The following ESF1 variants were observed in gnomAD, a reference collection of about 807,000 sequenced individuals.
ESF1 encodes the protein ESF1 nucleolar pre-rRNA processing protein, also known as ESF1 homolog.
A neutral mutation model predicts 92.0 loss-of-function variants in ESF1; 58 were observed. The observed-to-expected ratio is 0.63, with a 90% CI of 0.51 to 0.78. The LOEUF is 0.78. Ranked by LOEUF, ESF1 falls within the 30% of genes least tolerant of loss-of-function variation. The probability of loss-of-function intolerance (pLI) is 0.00; values close to 1 mark genes in which losing one functional copy is unlikely to be tolerated. For missense variants in ESF1, 922 were observed against 989.1 expected (o/e 0.93, Z 0.91); for synonymous variants, 321 against 313.7 (o/e 1.02, Z -0.24).
At position 13,769,892 on chromosome 20, in the gene ESF1, A is replaced by G; in HGVS notation, c.1518+15T>C. On this transcript the variant is annotated intron_variant, in intron 7 of 13. Coordinates refer to ENST00000617257, the MANE Select transcript of ESF1 (RefSeq NM_001276380.2). The stretch of plus-strand genomic sequence containing the variant: ...AATAGAGTCCAGCTACATATTTTTT[A>G]AAGTAAAGAAATACCGTTGATGTTC... 6.6e-7 allele frequency: 1 copy of G among 1,519,016 alleles called. No homozygotes were observed. Among genetic ancestry groups the G allele is most frequent in the Non-Finnish European group, 9.1e-7 (1 of 1,096,142 alleles). 94.1% of individuals were successfully genotyped at this position (1,519,016 alleles called of 1,614,324 possible). A position where few individuals can be genotyped will look rare whatever the true frequency, so the allele number is the denominator to read the frequency against.
intron 9 of ESF1, among the ~76,000 whole-genome samples, chr20:13,738,678 A>G (rs952222952): frequency 2.0e-5 from 3 of 152,108 alleles, no homozygotes; most frequent in African/African-American, 2.4e-5. Flanking sequence ...TTGGAATTAT[A>G]TATTCATTTG....
At chr20:13,771,674 A>G (rs967690068) in intron 5 of ESF1, among the ~76,000 whole-genome samples, 191 bp from the exon 6 acceptor site, 1 of 152,114 alleles carries the variant, frequency 6.6e-6, no homozygotes, top group Non-Finnish European at 1.5e-5. Context: ...CAAGGTACAG[A>G]TATTTGGATT....
chr20:13,776,124 C>T lies in ESF1; in HGVS notation c.784G>A (p.Val262Ile), dbSNP rs771318114. ...TCGTCATCACCTGAAGCTCTACCAA[C>T]ACTTGTAATTTCATTTTCAGATTCC... is the stretch of plus-strand genomic sequence containing the variant. Reference protein sequence around the residue: ...DEESENEITSVGRASGDDDGS... With the variant: ...DEESENEITSIGRASGDDDGS... Residue 262 changes from valine to isoleucine, a missense_variant, in exon 3 of 14, where the codon GTT becomes ATT. Coordinates refer to ENST00000617257, the MANE Select transcript of ESF1 (RefSeq NM_001276380.2). 2 of 1,613,822 alleles carry T rather than the reference C, an allele frequency of 1.2e-6. No homozygotes were observed. The highest frequency in any genetic ancestry group is 1.1e-5 in the South Asian group (1 of 91,080).
chr20:13,730,489 T>C (rs547281789), intron 10 of ESF1, among the ~76,000 whole-genome samples: 1 of 151,390 alleles, frequency 6.6e-6, no homozygotes, highest in East Asian at 2.0e-4. Context: ...ATTCATGCCA[T>C]TCTCCTGTCT....
At chr20:13,780,835 T>C (rs970280859) in intron 2 of ESF1, among the ~76,000 whole-genome samples, 1 of 152,240 alleles carries the variant, frequency 6.6e-6, no homozygotes, top group Non-Finnish European at 1.5e-5. Flanking sequence ...AGTAAACACG[T>C]AATGCAAACT....
chr20:13,719,377 T>C (rs896713079), intron 11 of ESF1, among the ~76,000 whole-genome samples: 1 of 152,084 alleles, frequency 6.6e-6, no homozygotes, highest in Non-Finnish European at 1.5e-5. Flanking sequence ...AAATAAAAAA[T>C]TCCATTCAAG....
intron 2 of ESF1, among the ~76,000 whole-genome samples, chr20:13,779,753 TC>T (rs1980096801): frequency 6.6e-6 from 1 of 152,174 alleles, no homozygotes; most frequent in African/African-American, 2.4e-5. Flanking sequence ...TAGGCTGGTC[TC>T]AAACTCCTGA....
intron 7 of ESF1, among the ~76,000 whole-genome samples, chr20:13,768,380 C>T (rs1044089782): frequency 1.3e-5 from 2 of 152,018 alleles, no homozygotes; most frequent in Admixed American, 6.6e-5. Flanking sequence ...GTTGGGAGTT[C>T]GAGATCGGCC....
At chr20:13,720,175 T>C (rs117391084) in intron 11 of ESF1, among the ~76,000 whole-genome samples, 51 of 152,270 alleles carry the variant, frequency 3.3e-4, no homozygotes, top group South Asian at 3.1e-3. Context: ...TCTCCTTTCC[T>C]TGTACCCAAG....
chr20:13,775,360 C>A, intron 3 of ESF1, 90 bp from the exon 4 acceptor site: 1 of 787,584 alleles, frequency 1.3e-6, no homozygotes, highest in Non-Finnish European at 2.0e-6. Context: ...TGCCTTCTGT[C>A]CCCTATGCTC....
intron 8 of ESF1, among the ~76,000 whole-genome samples, chr20:13,765,136 T>C (rs1979376553): frequency 6.6e-6 from 1 of 152,170 alleles, no homozygotes; most frequent in East Asian, 1.9e-4. Context: ...GCCATGAGAA[T>C]CGTTTGAACC....
At chr20:13,782,125 G>A (rs1197603677) in intron 2 of ESF1, among the ~76,000 whole-genome samples, 6 of 152,058 alleles carry the variant, frequency 3.9e-5, no homozygotes, top group Admixed American at 3.3e-4. Flanking sequence ...TGATCTGCCC[G>A]CCTTGGCCTG....
intron 9 of ESF1, among the ~76,000 whole-genome samples, chr20:13,745,160 G>A (rs1263961735): frequency 6.6e-6 from 1 of 152,236 alleles, no homozygotes; most frequent in Non-Finnish European, 1.5e-5. Flanking sequence ...ACTGGTGAGA[G>A]TATAAGATGG....
intron 11 of ESF1, among the ~76,000 whole-genome samples, chr20:13,721,453 T>G (rs2049867543): frequency 1.3e-5 from 2 of 152,034 alleles, no homozygotes. Flanking sequence ...CTGGTTTTGT[T>G]AGGGTAGTTA....
chr20:13,752,921 G>A (rs1217414315), intron 9 of ESF1, among the ~76,000 whole-genome samples: 1 of 152,158 alleles, frequency 6.6e-6, no homozygotes, highest in Non-Finnish European at 1.5e-5. Flanking sequence ...CTCTTGCTGT[G>A]TGAGACAGTA....
At chr20:13,722,489 A>G (rs1261847074) in intron 11 of ESF1, among the ~76,000 whole-genome samples, 1 of 152,186 alleles carries the variant, frequency 6.6e-6, no homozygotes, top group Non-Finnish European at 1.5e-5. Flanking sequence ...GAACAGTACT[A>G]GGGAAATGAA....
rs555720103 is a variant in ESF1 at position 13,743,642 on chromosome 20, G to A, written c.1829-9800C>T. 5.9e-5 allele frequency among the ~76,000 whole-genome samples: 9 copies of A among 152,238 alleles called. No individual in the cohort carries two copies. The East Asian group carries it at 1.7e-3, about 29-fold the overall frequency. ...GCAGACACAGAAAGATAAATACCTA[G>A]TAGAGTTCATTTATATGTGGAATCT... On this transcript the variant is annotated intron_variant, in intron 9 of 13. Transcript: ENST00000617257.
intron 9 of ESF1, among the ~76,000 whole-genome samples, chr20:13,735,494 G>C (rs1274561371): frequency 1.3e-5 from 2 of 152,100 alleles, no homozygotes; most frequent in African/African-American, 4.8e-5. Flanking sequence ...TTAGATCTCT[G>C]ATTCAACAGA....
At position 13,759,043 on chromosome 20, in the gene ESF1, A is replaced by G. The variant is rs527604497; in HGVS notation, c.1828+649T>C. ...GAATAATTACACTGTAATAAAAGTT[A>G]TATGAATATAATCTCTCTTCCTCTT... is the stretch of plus-strand genomic sequence containing the variant. On this transcript the variant is annotated intron_variant, in intron 9 of 13. Transcript: ENST00000617257. 5.9e-5 allele frequency among the ~76,000 whole-genome samples: 9 copies of G among 152,244 alleles called. No homozygotes were observed. In the South Asian group the frequency reaches 1.2e-3, roughly 21 times the overall value.
Sources: allele counts gnomAD v4.1 joint callset (sites outside exome capture counted in the v4.1 genomes callset), GRCh38; gene constraint gnomAD v4.1.1; transcripts MANE v1.5; gene names NCBI Gene and HGNC (gene_info 2026-07-23, HGNC 2026-07-21).